The following ASXL2 variants were observed in gnomAD, a reference collection of about 807,000 sequenced individuals.
The protein encoded by ASXL2 is putative Polycomb group protein ASXL2.
In ASXL2, 23 loss-of-function variants were observed where a neutral mutation model predicts 122.0. The observed-to-expected ratio is 0.19, with a 90% CI of 0.14 to 0.27. ASXL2 has a LOEUF of 0.27. Ranked by LOEUF, ASXL2 falls within the 10% of genes least tolerant of loss-of-function variation. The pLI is 1.00. For synonymous variants in ASXL2, 650 were observed against 637.0 expected, an observed-to-expected ratio of 1.02 and a Z score of -0.31; for missense variants, 1,518 against 1,713.8, an observed-to-expected ratio of 0.89 and a Z score of 2.02.
intron 1 of ASXL2, among the ~76,000 whole-genome samples, chr2:25,876,653 G>C (rs115900393): frequency 0.039 from 5,985 of 152,204 alleles, 156 homozygotes; most frequent in Middle Eastern, 0.088. Context: ...GGTATACTGA[G>C]AGTAAAACAG....
chr2:25,805,600 A>G (rs1574425578), intron 4 of ASXL2, among the ~76,000 whole-genome samples: 1 of 151,786 alleles, frequency 6.6e-6, no homozygotes, highest in East Asian at 1.9e-4. Context: ...AATGCTCCAA[A>G]GAAACAATTA....
intron 7 of ASXL2, among the ~76,000 whole-genome samples, chr2:25,768,452 C>T (rs950474291): frequency 1.3e-5 from 2 of 152,112 alleles, no homozygotes; most frequent in Admixed American, 6.5e-5. Context: ...TACAGGTGTG[C>T]CCCACCACAC....
intron 4 of ASXL2, among the ~76,000 whole-genome samples, chr2:25,802,809 A>G (rs965041394): frequency 2.6e-4 from 40 of 152,092 alleles, no homozygotes; most frequent in African/African-American, 9.2e-4. Flanking sequence ...TAAAAACCCA[A>G]TGGATTGGGT....
intron 12 of ASXL2, among the ~76,000 whole-genome samples, chr2:25,746,364 A>C (rs1474387921): frequency 6.6e-6 from 1 of 152,186 alleles, no homozygotes; most frequent in Non-Finnish European, 1.5e-5. Flanking sequence ...TCTAAGAGCT[A>C]AATCTATTTC....
intron 4 of ASXL2, among the ~76,000 whole-genome samples, chr2:25,799,976 T>C (rs2088970296): frequency 7.7e-6 from 1 of 130,642 alleles, no homozygotes; most frequent in Non-Finnish European, 1.6e-5. Context: ...GAAACCCGTC[T>C]CTACAAAAAA....
In ASXL2 at chr2:25,878,335, GA is replaced by G; in HGVS notation, c.-114del. 1 of 1,158,086 alleles carries G rather than the reference GA, an allele frequency of 8.6e-7. No homozygotes were observed. The highest frequency in any genetic ancestry group is 2.6e-5 in the East Asian group (1 of 38,780). 71.7% of individuals were successfully genotyped at this position (1,158,086 alleles called of 1,614,324 possible). ...GTGCCGGGAAAGGTGGGAGAAAAGG[GA>G]AGTCAGACCGGGGGGGCACCCAAGC... On this transcript the variant is annotated 5_prime_UTR_variant, in exon 1 of 13. Transcript: ENST00000435504.
At chr2:25,868,797 T>C (rs1001180257) in intron 1 of ASXL2, among the ~76,000 whole-genome samples, 4 of 152,012 alleles carry the variant, frequency 2.6e-5, no homozygotes, top group Non-Finnish European at 2.9e-5. Flanking sequence ...AGGAGGCCAA[T>C]AGGAGAGGAC....
intron 8 of ASXL2, among the ~76,000 whole-genome samples, chr2:25,764,075 C>T (rs934912041): frequency 2.6e-5 from 4 of 152,140 alleles, no homozygotes; most frequent in Admixed American, 6.5e-5. Context: ...AAAACAGTGT[C>T]TAAGAGGTAA....
chr2:25,875,726 G>A (rs1029176881), intron 1 of ASXL2, among the ~76,000 whole-genome samples: 1 of 152,080 alleles, frequency 6.6e-6, no homozygotes, highest in Admixed American at 6.5e-5. Flanking sequence ...AAAAACACAT[G>A]AAATAAGAAA....
intron 4 of ASXL2, among the ~76,000 whole-genome samples, chr2:25,805,769 G>A (rs2089072374): frequency 6.6e-6 from 1 of 151,988 alleles, no homozygotes; most frequent in African/African-American, 2.4e-5. Flanking sequence ...TCCGCCTCCC[G>A]GGTTCAAGCA....
intron 5 of ASXL2, 24 bp downstream of exon 5, chr2:25,799,361 T>C (rs758268515): frequency 1.9e-6 from 3 of 1,613,934 alleles, no homozygotes; most frequent in Non-Finnish European, 2.5e-6. Flanking sequence ...TTTAGTACTT[T>C]ATTGAAGGAT....
intron 1 of ASXL2, chr2:25,857,088 GGC>G: frequency 2.4e-5 from 2 of 83,520 alleles, no homozygotes; most frequent in African/African-American, 5.0e-5. Flanking sequence ...TTTTGGGGGG[GGC>G]GGGGGGGGGG....
chr2:25,777,389 C>T lies in ASXL2; in HGVS notation c.404-5849G>A, dbSNP rs529588910. On this transcript the variant is annotated intron_variant, in intron 5 of 12. Coordinates refer to ENST00000435504, the MANE Select transcript of ASXL2 (RefSeq NM_018263.6). Reference sequence around the variant, plus strand: ...GGCACATGGCTCACACCTATAATCCCGGCATTTTGGGAGTCTGAGGTGGGA... The same window carrying T: ...GGCACATGGCTCACACCTATAATCCTGGCATTTTGGGAGTCTGAGGTGGGA... Among the ~76,000 whole-genome samples, 6 of 152,090 alleles carry T rather than the reference C, an allele frequency of 3.9e-5. No individual in the cohort carries two copies. In the South Asian group the frequency reaches 1.0e-3, roughly 26 times the overall value.
At chr2:25,843,455 T>A (rs1042530356) in intron 2 of ASXL2, among the ~76,000 whole-genome samples, 12 of 152,176 alleles carry the variant, frequency 7.9e-5, no homozygotes, top group African/African-American at 2.9e-4. Flanking sequence ...TGCATTTTAA[T>A]GTTTTAATTT....
In ASXL2 at chr2:25,842,805, T is replaced by C. The variant is rs1157080317; in HGVS notation, c.140+2676A>G. ...GTGTGTGTGTGTGTATATATATATATATATATGTTTTTTTTGTTTGTTTGT... is the reference window on the plus strand; with the variant it reads ...GTGTGTGTGTGTGTATATATATATACATATATGTTTTTTTTGTTTGTTTGT... On this transcript the variant is annotated intron_variant, in intron 2 of 12. Transcript: ENST00000435504. Among the ~76,000 whole-genome samples the C allele has an allele frequency of 4.6e-5, 7 of 151,342 alleles. No homozygotes were observed. In the East Asian group the frequency reaches 1.2e-3, roughly 25 times the overall value.
chr2:25,763,225 C>A (rs989750345), intron 8 of ASXL2, among the ~76,000 whole-genome samples: 3 of 146,008 alleles, frequency 2.1e-5, no homozygotes, highest in Admixed American at 1.3e-4. Context: ...GTGGCTCATG[C>A]CTGTAATCCC....
At chr2:25,852,137 T>C (rs1225797107) in intron 1 of ASXL2, among the ~76,000 whole-genome samples, 3 of 152,156 alleles carry the variant, frequency 2.0e-5, no homozygotes, top group Admixed American at 6.6e-5. Context: ...CAAACCTCAT[T>C]CCACTGAACT....
intron 4 of ASXL2, among the ~76,000 whole-genome samples, chr2:25,800,229 T>G (rs781243114): frequency 6.6e-6 from 1 of 152,094 alleles, no homozygotes; most frequent in Non-Finnish European, 1.5e-5. Context: ...CCCAGGAAGT[T>G]TGAGGCTGCA....
chr2:25,841,933 C>T (rs1262746749), intron 2 of ASXL2, among the ~76,000 whole-genome samples: 57 of 127,834 alleles, frequency 4.5e-4, no homozygotes, highest in African/African-American at 1.7e-3. Flanking sequence ...GAGGACAGAG[C>T]GAGACTCTGT....
Sources: gnomAD v4.1 joint callset for allele counts (sites outside exome capture counted in the v4.1 genomes callset) on GRCh38, gnomAD v4.1.1 for gene constraint, MANE v1.5 for transcripts, NCBI Gene and HGNC (gene_info 2026-07-23, HGNC 2026-07-21) for gene names.